The following CCDC93 variants were observed in gnomAD, a reference collection of about 807,000 sequenced individuals.
CCDC93 encodes the protein coiled-coil domain-containing protein 93.
A neutral mutation model predicts 108.2 loss-of-function variants in CCDC93; 61 were observed. That is an observed-to-expected ratio of 0.56 (90% confidence interval 0.46 to 0.70). The LOEUF is 0.70. CCDC93 is among the 30% of genes least tolerant of loss of function. The probability of loss-of-function intolerance (pLI) is 0.00; values close to 1 mark genes in which losing one functional copy is unlikely to be tolerated. For missense variants in CCDC93, 685 were observed against 764.2 expected (o/e 0.90, Z 1.22); for synonymous variants, 276 against 260.4 (o/e 1.06, Z -0.58).
intron 7 of CCDC93, among the ~76,000 whole-genome samples, chr2:117,985,092 A>G (rs1558796120): frequency 2.0e-5 from 3 of 151,832 alleles, no homozygotes; most frequent in Admixed American, 2.0e-4. Flanking sequence ...AACTACTTCA[A>G]TTTCCTTAGA....
intron 13 of CCDC93, chr2:117,950,149 G>A (rs1679007824): frequency 1.0e-6 from 1 of 985,264 alleles, no homozygotes; most frequent in African/African-American, 1.7e-5. Context: ...AACACAGGAA[G>A]TGGGCTGCAT....
intron 23 of CCDC93, among the ~76,000 whole-genome samples, chr2:117,924,727 T>C (rs564381394): frequency 2.0e-5 from 3 of 152,340 alleles, no homozygotes; most frequent in African/African-American, 7.2e-5. Context: ...CCAGGAGAAC[T>C]TCCTCAATCT....
chr2:117,980,675 T>TA (rs1387503106), intron 7 of CCDC93, among the ~76,000 whole-genome samples: 3 of 152,168 alleles, frequency 2.0e-5, no homozygotes, highest in Admixed American at 6.5e-5. Flanking sequence ...TCATTCACTT[T>TA]AAAAAAATAT....
chr2:117,991,257 C>A (rs1345066894), intron 6 of CCDC93, among the ~76,000 whole-genome samples: 1 of 152,190 alleles, frequency 6.6e-6, no homozygotes, highest in Non-Finnish European at 1.5e-5. Context: ...AACAGGTCTT[C>A]AGATGAGAAA....
At chr2:117,962,188 C>T (rs773237724) in intron 11 of CCDC93, among the ~76,000 whole-genome samples, 1 of 152,204 alleles carries the variant, frequency 6.6e-6, no homozygotes, top group South Asian at 2.1e-4. Context: ...GTTATTTACA[C>T]ATCAACCTTC....
Position 117,973,890 on chromosome 2 carries a change from A to G in CCDC93, c.888+18T>C. 4 of 1,585,942 alleles carry G rather than the reference A, an allele frequency of 2.5e-6. No homozygotes were observed. The highest frequency in any genetic ancestry group is 3.5e-6 in the Non-Finnish European group (4 of 1,159,080). On this transcript the variant is annotated intron_variant, in intron 11 of 23. Coordinates refer to ENST00000376300, the MANE Select transcript of CCDC93 (RefSeq NM_019044.5). ...GAGCATTATCTGGGGCACAGACTCCAGCTGGGCCCCCACCTACCTTCTCTG... is the reference window on the plus strand; with the variant it reads ...GAGCATTATCTGGGGCACAGACTCCGGCTGGGCCCCCACCTACCTTCTCTG...
chr2:117,930,872 T>C, intron 23 of CCDC93, 165 bp downstream of exon 23: 2 of 531,040 alleles, frequency 3.8e-6, no homozygotes, highest in Non-Finnish European at 6.7e-6. Flanking sequence ...AAACGCAATC[T>C]TCAGCTACCT....
intron 4 of CCDC93, chr2:117,999,946 G>A (rs1453403354): frequency 6.7e-6 from 1 of 148,848 alleles, no homozygotes. Context: ...CTGCGAATAT[G>A]GAGGGCCGGC....
chr2:117,986,187 CAG>C, intron 6 of CCDC93, 118 bp from the exon 7 acceptor site: 4 of 499,560 alleles, frequency 8.0e-6, no homozygotes, highest in Admixed American at 8.5e-5. Flanking sequence ...TTTTTTGAGA[CAG>C]AGTCTCGCTC....
intron 3 of CCDC93, among the ~76,000 whole-genome samples, chr2:118,001,294 G>A (rs1278986796): frequency 6.6e-6 from 1 of 151,842 alleles, no homozygotes; most frequent in Non-Finnish European, 1.5e-5. Flanking sequence ...TTTACATTTC[G>A]TTTTACTGAT....
chr2:117,934,253 T>A (rs569041201), intron 22 of CCDC93, among the ~76,000 whole-genome samples: 1 of 152,290 alleles, frequency 6.6e-6, no homozygotes, highest in African/African-American at 2.4e-5. Flanking sequence ...AGCAGCTTCC[T>A]GCAGAGCAAT....
chr2:117,945,970 T>C (rs999825282), intron 16 of CCDC93, among the ~76,000 whole-genome samples: 11 of 152,226 alleles, frequency 7.2e-5, no homozygotes, highest in African/African-American at 1.7e-4. Context: ...AGAGGTGGAC[T>C]GTGCGACGAT....
At position 117,936,756 on chromosome 2, in the gene CCDC93, A is replaced by AT; in HGVS notation, c.1606-18_1606-17insA. On this transcript the variant is annotated splice_polypyrimidine_tract_variant and intron_variant, in intron 20 of 23. Transcript: ENST00000376300. ...CAGACTAATCTGGGGAAGTAAAAAAACAAACGAAATTATAAGACAGGCAAA... is the reference window on the plus strand; with the variant it reads ...CAGACTAATCTGGGGAAGTAAAAAAATCAAACGAAATTATAAGACAGGCAAA... 2 of 1,610,586 alleles carry AT rather than the reference A, an allele frequency of 1.2e-6. No homozygotes were observed. The highest frequency in any genetic ancestry group is 1.7e-6 in the Non-Finnish European group (2 of 1,176,728).
rs1003521763 is a variant in CCDC93 at position 117,933,719 on chromosome 2, TAAAC to T, written c.1728+1772_1728+1775del. Among the ~76,000 whole-genome samples the T allele has an allele frequency of 6.0e-5, 9 of 149,074 alleles. No individual in the cohort carries two copies. In the East Asian group the frequency reaches 1.2e-3, roughly 19 times the overall value. On this transcript the variant is annotated intron_variant, in intron 22 of 23. Coordinates refer to ENST00000376300, the MANE Select transcript of CCDC93 (RefSeq NM_019044.5). ...TACAGGGAAAGCTTTTTTTTTTTTT[TAAAC>T]AAACACAATAAAACACATCCATCCA...
chr2:117,995,582 A>C, intron 5 of CCDC93, 80 bp from the exon 6 acceptor site: 1 of 1,084,350 alleles, frequency 9.2e-7, no homozygotes, highest in Non-Finnish European at 1.4e-6. Context: ...ATGTCTTATA[A>C]ATTGACTTCT....
chr2:117,995,723 G>A (rs1558801196), intron 5 of CCDC93: 5 of 483,996 alleles, frequency 1.0e-5, no homozygotes, highest in Non-Finnish European at 1.5e-5. Flanking sequence ...AAGAAAAAGG[G>A]GGTCATAAGG....
intron 8 of CCDC93, among the ~76,000 whole-genome samples, chr2:117,977,267 T>C (rs1317017946): frequency 4.6e-5 from 7 of 152,202 alleles, no homozygotes; most frequent in Non-Finnish European, 1.0e-4. Context: ...GTCAGACCTC[T>C]AGGTTCAGAT....
intron 4 of CCDC93, chr2:117,999,913 T>C (rs1470639320): frequency 6.6e-6 from 1 of 152,246 alleles, no homozygotes; most frequent in Non-Finnish European, 1.5e-5. Context: ...GATGCATTGT[T>C]TGTTGAATTT....
chr2:117,996,198 TAG>T (rs1680640475), intron 5 of CCDC93, 64 bp downstream of exon 5: 1 of 1,092,790 alleles, frequency 9.2e-7, no homozygotes, highest in Non-Finnish European at 1.4e-6. Flanking sequence ...TGCTCCTTGC[TAG>T]AGAGTCTCTT....
Sources: gnomAD v4.1 joint callset for allele counts (sites outside exome capture counted in the v4.1 genomes callset) on GRCh38, gnomAD v4.1.1 for gene constraint, MANE v1.5 for transcripts, NCBI Gene and HGNC (gene_info 2026-07-23, HGNC 2026-07-21) for gene names.